Variants in TMOD3 observed in about 807,000 individuals in gnomAD.
The protein encoded by TMOD3 is tropomodulin 3.
TMOD3 carries 20 observed loss-of-function variants against 39.2 expected under a neutral mutation model. That is an observed-to-expected ratio of 0.51 (90% CI 0.36 to 0.74). TMOD3 has a LOEUF of 0.74. Ranked by LOEUF, TMOD3 falls within the 30% of genes least tolerant of loss-of-function variation. The probability of loss-of-function intolerance (pLI) is 0.00; values close to 1 mark genes in which losing one functional copy is unlikely to be tolerated. For missense variants in TMOD3, 381 were observed against 412.8 expected, an observed-to-expected ratio of 0.92 and a Z score of 0.67; for synonymous variants, 143 against 145.8, an observed-to-expected ratio of 0.98 and a Z score of 0.14.
intron 3 of TMOD3, among the ~76,000 whole-genome samples, chr15:51,885,096 G>C (rs145517155): frequency 6.6e-6 from 1 of 152,298 alleles, no homozygotes; most frequent in Middle Eastern, 3.4e-3. Context: ...TGGGTATTCT[G>C]TTCTATGCAA....
chr15:51,852,618 GC>G (rs1206110427), intron 1 of TMOD3, among the ~76,000 whole-genome samples: 5 of 152,048 alleles, frequency 3.3e-5, no homozygotes. Context: ...TTCATTTTCA[GC>G]CCCCCCTTTA....
chr15:51,892,385 A>G (rs2056598072), intron 5 of TMOD3: 2 of 152,238 alleles, frequency 1.3e-5, no homozygotes, highest in Non-Finnish European at 2.9e-5. Context: ...ACCTCCACAC[A>G]CATGCATCAG....
chr15:51,874,041 C>T (rs551300582), intron 3 of TMOD3, among the ~76,000 whole-genome samples: 1 of 152,280 alleles, frequency 6.6e-6, no homozygotes, highest in East Asian at 1.9e-4. Context: ...TATTTTTTCA[C>T]TTAAAGGCAG....
intron 2 of TMOD3, among the ~76,000 whole-genome samples, chr15:51,868,164 G>C (rs2570254): frequency 6.6e-6 from 1 of 152,224 alleles, no homozygotes; most frequent in African/African-American, 2.4e-5. Context: ...TATATATGTT[G>C]TAATCATGAA....
At chr15:51,886,321 G>A (rs1323846270) in intron 3 of TMOD3, among the ~76,000 whole-genome samples, 1 of 152,212 alleles carries the variant, frequency 6.6e-6, no homozygotes, top group Non-Finnish European at 1.5e-5. Flanking sequence ...CAGGCGGCTG[G>A]GAGGTGGAGG....
chr15:51,868,337 G>C (rs1278660135), intron 2 of TMOD3, among the ~76,000 whole-genome samples: 1 of 152,254 alleles, frequency 6.6e-6, no homozygotes, highest in East Asian at 1.9e-4. Context: ...AGGGATACCT[G>C]TGCAGGTTTC....
At chr15:51,866,467 CAAAAAAAAGAAAG>C (rs2056447512) in intron 2 of TMOD3, among the ~76,000 whole-genome samples, 1 of 147,832 alleles carries the variant, frequency 6.8e-6, no homozygotes, top group Non-Finnish European at 1.5e-5. Context: ...CCCCCCTACC[CAAAAAAAAGAAAG>C]AAAAAAAAGG....
At chr15:51,881,520 A>G (rs1782001431) in intron 3 of TMOD3, among the ~76,000 whole-genome samples, 1 of 150,198 alleles carries the variant, frequency 6.7e-6, no homozygotes, top group Non-Finnish European at 1.5e-5. Context: ...GCCTAATTCA[A>G]GGTCACGGAG....
intron 3 of TMOD3, among the ~76,000 whole-genome samples, chr15:51,877,481 C>G (rs2056510436): frequency 6.6e-6 from 1 of 151,988 alleles, no homozygotes; most frequent in Non-Finnish European, 1.5e-5. Flanking sequence ...AGTTCGATAC[C>G]AGCCTGACCA....
At chr15:51,843,952 C>T (rs2056324345) in intron 1 of TMOD3, among the ~76,000 whole-genome samples, 1 of 150,132 alleles carries the variant, frequency 6.7e-6, no homozygotes, top group Non-Finnish European at 1.5e-5. Flanking sequence ...GCCGATGGTT[C>T]TTATTTTGTT....
chr15:51,893,764 C>CAA (rs11370809), intron 5 of TMOD3, 51 bp from the exon 6 acceptor site: 52,506 of 1,191,392 alleles, frequency 0.044, no homozygotes, highest in East Asian at 0.13. Flanking sequence ...GACTCCGTCT[C>CAA]AAAAAAAAAA....
chr15:51,875,912 C>G (rs1418872737), intron 3 of TMOD3, among the ~76,000 whole-genome samples: 1 of 152,110 alleles, frequency 6.6e-6, no homozygotes, highest in East Asian at 1.9e-4. Flanking sequence ...GCCACCGTGC[C>G]CGGCCTAAAG....
intron 1 of TMOD3, among the ~76,000 whole-genome samples, chr15:51,844,884 C>G (rs1426092449): frequency 6.6e-6 from 1 of 151,914 alleles, no homozygotes; most frequent in Non-Finnish European, 1.5e-5. Flanking sequence ...TTTTTTTTCC[C>G]CTCTACTACT....
chr15:51,893,052 T>G (rs914957347), intron 5 of TMOD3, among the ~76,000 whole-genome samples: 3 of 151,958 alleles, frequency 2.0e-5, no homozygotes, highest in Non-Finnish European at 4.4e-5. Context: ...TCCCAGCACT[T>G]TGGGAGGCCA....
chr15:51,841,616 A>G (rs961332459), intron 1 of TMOD3, among the ~76,000 whole-genome samples: 4 of 152,132 alleles, frequency 2.6e-5, no homozygotes, highest in African/African-American at 7.2e-5. Flanking sequence ...TTCTTTCATC[A>G]GTTCTGCTTT....
At chr15:51,873,750 C>G (rs896993812) in intron 3 of TMOD3, among the ~76,000 whole-genome samples, 3 of 151,860 alleles carry the variant, frequency 2.0e-5, no homozygotes, top group Non-Finnish European at 2.9e-5. Context: ...CTCTGTTACC[C>G]AGGCCGGAGT....
chr15:51,891,943 A>T (rs941649640), intron 5 of TMOD3, among the ~76,000 whole-genome samples: 13 of 152,208 alleles, frequency 8.5e-5, no homozygotes, highest in African/African-American at 3.1e-4. Flanking sequence ...CTTCTACAGG[A>T]TAAATCTGAA....
At chr15:51,896,386 A>G in intron 6 of TMOD3, 33 bp from the exon 7 acceptor site, 1 of 1,420,694 alleles carries the variant, frequency 7.0e-7, no homozygotes, top group Non-Finnish European at 9.8e-7. Context: ...GAAAATTGAA[A>G]TGTAATGATG....
intron 1 of TMOD3, among the ~76,000 whole-genome samples, chr15:51,852,242 CA>C (rs1286268857): frequency 6.6e-6 from 1 of 151,946 alleles, no homozygotes; most frequent in Non-Finnish European, 1.5e-5. Context: ...ATCTTGAGAT[CA>C]AAAAAATTCT....
Sources: gnomAD v4.1 joint callset for allele counts (sites outside exome capture counted in the v4.1 genomes callset) on GRCh38, gnomAD v4.1.1 for gene constraint, MANE v1.5 for transcripts, NCBI Gene and HGNC (gene_info 2026-07-23, HGNC 2026-07-21) for gene names.